The following PIWIL3 variants were observed in gnomAD, a reference collection of about 807,000 sequenced individuals.
PIWIL3 encodes piwi like RNA-mediated gene silencing 3.
PIWIL3 carries 101 observed loss-of-function variants against 109.7 expected under a neutral mutation model. The observed-to-expected ratio is 0.92, with a 90% confidence interval of 0.78 to 1.09. The LOEUF is 1.09. Ranked by LOEUF, PIWIL3 falls within the 50% of genes least tolerant of loss-of-function variation. The probability of loss-of-function intolerance (pLI) is 0.00; values close to 1 mark genes in which losing one functional copy is unlikely to be tolerated. For missense variants in PIWIL3, 1,031 were observed against 1,072.6 expected (o/e 0.96, Z 0.54); for synonymous variants, 373 against 376.4 (o/e 0.99, Z 0.10).
chr22:24,755,957 T>C, intron 5 of PIWIL3, 52 bp from the exon 6 acceptor site: 1 of 1,576,620 alleles, frequency 6.3e-7, no homozygotes, highest in Non-Finnish European at 8.6e-7. Flanking sequence ...TCCAAAAAAC[T>C]AAACTTCATT....
At chr22:24,728,598 ATTAC>A (rs1187967184) in intron 14 of PIWIL3, among the ~76,000 whole-genome samples, 16 of 152,228 alleles carry the variant, frequency 1.1e-4, no homozygotes, top group Non-Finnish European at 1.6e-4. Flanking sequence ...TACATTAGTT[ATTAC>A]TTAATTGGAA....
intron 11 of PIWIL3, among the ~76,000 whole-genome samples, 187 bp from the exon 12 acceptor site, chr22:24,749,208 C>T (rs184030104): frequency 6.6e-6 from 1 of 152,208 alleles, no homozygotes; most frequent in East Asian, 1.9e-4. Context: ...GTACTTATAG[C>T]CTTTTGATTT....
At chr22:24,754,948 T>G in intron 6 of PIWIL3, 84 bp from the exon 7 acceptor site, 1 of 1,062,620 alleles carries the variant, frequency 9.4e-7, no homozygotes, top group Admixed American at 1.9e-5. Context: ...AAAAAAAATC[T>G]GTCAATGACT....
At chr22:24,738,627 T>C (rs1923802655) in intron 12 of PIWIL3, among the ~76,000 whole-genome samples, 1 of 152,180 alleles carries the variant, frequency 6.6e-6, no homozygotes, top group African/African-American at 2.4e-5. Context: ...ATCATCAAGG[T>C]GATATCACCA....
chr22:24,744,178 T>TAAAAAAAAAAAAA (rs1188611412), intron 12 of PIWIL3, among the ~76,000 whole-genome samples: 6 of 34,314 alleles, frequency 1.7e-4, no homozygotes, highest in Admixed American at 8.6e-4. Context: ...GTGACCGAAT[T>TAAAAAAAAAAAAA]AAAAAAAAAA....
intron 13 of PIWIL3, 67 bp downstream of exon 13, chr22:24,735,641 A>T: frequency 7.1e-7 from 1 of 1,411,830 alleles, no homozygotes. Flanking sequence ...ACAATTTAAT[A>T]TTTTAGTTAT....
At chr22:24,724,239 A>G (rs1384866839) in intron 18 of PIWIL3, among the ~76,000 whole-genome samples, 1 of 150,576 alleles carries the variant, frequency 6.6e-6, no homozygotes, top group African/African-American at 2.5e-5. Context: ...TTTTCCCCTA[A>G]AAAACATCAG....
intron 1 of PIWIL3, among the ~76,000 whole-genome samples, chr22:24,770,660 T>TAA (rs57209194): frequency 0.027 from 2,074 of 77,402 alleles, 33 homozygotes; most frequent in African/African-American, 0.046. Context: ...CCGTCTCTAC[T>TAA]AAAAAAAAAA....
In PIWIL3 at chr22:24,724,980, T is replaced by C; in HGVS notation, c.2138A>G (p.Tyr713Cys). 1.2e-6 allele frequency: 2 copies of C among 1,614,170 alleles called. No homozygotes were observed. Among genetic ancestry groups the C allele is most frequent in the Admixed American group, 1.7e-5 (1 of 60,020 alleles). ...ESSMPHSVIV[Y>C]RDGVGDGQLQ... ...CTGACCATCTCCCACTCCATCCCGA[T>C]ACACAATAACAGAATGTGGCATCGA... is the stretch of plus-strand genomic sequence containing the variant. Residue 713 changes from tyrosine to cysteine, a missense_variant, in exon 18 of 21, where the codon TAT becomes TGT. Coordinates refer to ENST00000616349, the MANE Select transcript of PIWIL3 (RefSeq NM_001255975.1).
intron 12 of PIWIL3, among the ~76,000 whole-genome samples, chr22:24,743,947 T>C (rs1924158164): frequency 1.3e-5 from 2 of 152,040 alleles, no homozygotes; most frequent in South Asian, 4.1e-4. Flanking sequence ...TATAAGACAG[T>C]ATTTGCAAAC....
intron 1 of PIWIL3, among the ~76,000 whole-genome samples, chr22:24,767,701 A>C (rs1479503077): frequency 6.6e-6 from 1 of 152,224 alleles, no homozygotes; most frequent in Non-Finnish European, 1.5e-5. Context: ...TATTTGAAAT[A>C]ATAATGACCG....
At chr22:24,734,239 A>C in intron 13 of PIWIL3, 83 bp from the exon 14 acceptor site, 1 of 1,530,274 alleles carries the variant, frequency 6.5e-7, no homozygotes, top group South Asian at 1.3e-5. Context: ...AATACAAAGT[A>C]AGACATGATA....
intron 1 of PIWIL3, among the ~76,000 whole-genome samples, chr22:24,763,104 G>T (rs1925541028): frequency 6.6e-6 from 1 of 151,566 alleles, no homozygotes; most frequent in African/African-American, 2.4e-5. Context: ...CAGCAGAGAA[G>T]CATCCTATAA....
intron 7 of PIWIL3, 55 bp downstream of exon 7, chr22:24,754,729 C>A (rs1924919141): frequency 1.3e-5 from 18 of 1,409,638 alleles, no homozygotes; most frequent in East Asian, 2.3e-5. Context: ...ATAACTTTCT[C>A]AAAAAATCCT....
At position 24,734,191 on chromosome 22, in the gene PIWIL3, T is replaced by C. The variant is rs9620430; in HGVS notation, c.1635-35A>G. 1.4e-3 allele frequency: 2,309 copies of C among 1,595,712 alleles called. 19 individuals are homozygous for C. The African/African-American group carries it at 0.024, about 17-fold the overall frequency. On this transcript the variant is annotated intron_variant, in intron 13 of 20. Coordinates refer to ENST00000616349, the MANE Select transcript of PIWIL3 (RefSeq NM_001255975.1). ...AAATATAGCATCCACATCCAAAAGA[T>C]ACCAACCAGTGAAACAAACGTTTCA... is the stretch of plus-strand genomic sequence containing the variant.
At chr22:24,760,748 C>G (rs1035635974) in intron 2 of PIWIL3, among the ~76,000 whole-genome samples, 1 of 131,930 alleles carries the variant, frequency 7.6e-6, no homozygotes, top group Non-Finnish European at 1.6e-5. Context: ...CCATTGCACT[C>G]CAGCCTGGGC....
intron 19 of PIWIL3, among the ~76,000 whole-genome samples, chr22:24,720,381 C>T (rs1284445492): frequency 5.3e-5 from 8 of 150,014 alleles, no homozygotes. Flanking sequence ...ACGCCGTTCT[C>T]CTGCCTCAGC....
rs76140045 is a variant in PIWIL3, at chr22:24,756,685, G to T, written c.376C>A (p.Gln126Lys). Residue 126 changes from glutamine (Q) to lysine (K), a missense_variant, in exon 5 of 21, where the codon CAG (glutamine) becomes AAG (lysine). Physicochemically the swap from Gln to Lys is moderately conservative, Grantham distance 53 (BLOSUM62 1). Transcript: ENST00000616349. Reference protein sequence around the residue: ...SKTGSEGTVVQLLANHFRVIS... With the variant: ...SKTGSEGTVVKLLANHFRVIS... ...ACTCGGAAGTGGTTGGCGAGTAGCT[G>T]TACCACTGTACCCTCTGAACCTGAA... The T allele has an allele frequency of 1.9e-6, 3 of 1,613,388 alleles. No individual in the cohort carries two copies. Among genetic ancestry groups the T allele is most frequent in the African/African-American group, 2.7e-5 (2 of 74,914 alleles).
chr22:24,758,073 TAA>T, intron 3 of PIWIL3, 34 bp from the exon 4 acceptor site: 1 of 1,583,172 alleles, frequency 6.3e-7, no homozygotes, highest in Non-Finnish European at 8.6e-7. Context: ...GTTTAAACAA[TAA>T]AAAGGGAAGA....
Sources: gnomAD v4.1 joint callset for allele counts (sites outside exome capture counted in the v4.1 genomes callset) on GRCh38, gnomAD v4.1.1 for gene constraint, MANE v1.5 for transcripts, NCBI Gene and HGNC (gene_info 2026-07-23, HGNC 2026-07-21) for gene names.